The following USP31 variants were observed in gnomAD, a reference collection of about 807,000 sequenced individuals.
USP31 encodes ubiquitin specific peptidase 31, also known as ubiquitin carboxyl-terminal hydrolase 31.
In USP31, 44 loss-of-function variants were observed where a neutral mutation model predicts 119.4. The observed-to-expected ratio is 0.37, with a 90% confidence interval of 0.29 to 0.47. The LOEUF (loss-of-function observed/expected upper bound fraction) is 0.47. Ranked by LOEUF, USP31 falls within the 20% of genes least tolerant of loss-of-function variation. The probability of loss-of-function intolerance (pLI) is 0.99; values close to 1 mark genes in which losing one functional copy is unlikely to be tolerated. For synonymous variants in USP31, 749 were observed against 705.6 expected (o/e 1.06, Z -0.97); for missense variants, 1,643 against 1,730.2 (o/e 0.95, Z 0.89).
chr16:23,134,122 C>A (rs1411394709), intron 1 of USP31, among the ~76,000 whole-genome samples: 1 of 137,538 alleles, frequency 7.3e-6, no homozygotes, highest in Admixed American at 7.2e-5. Context: ...CACACACACA[C>A]AAATCGAACA....
rs1567223947 is a variant in USP31, at chr16:23,069,564, T to C, written c.2541A>G (p.Ser847=). 2.5e-6 allele frequency: 4 copies of C among 1,613,722 alleles called. No homozygotes were observed. Among genetic ancestry groups the C allele is most frequent in the African/African-American group, 2.7e-5 (2 of 74,934 alleles). Residue 847 remains serine (S), a synonymous_variant, in exon 16 of 16, where the codon TCA becomes TCG. Coordinates refer to ENST00000219689, the MANE Select transcript of USP31 (RefSeq NM_020718.4). ...FVRSVQRQSL[S]SRSSVTSPLA... is the part of the protein sequence containing the mutation. ...AGGGGCTGGTGACAGAAGATCTGGA[T>C]GACAAACTCTGACGCTGGACACTTC... is the stretch of plus-strand genomic sequence containing the variant.
intron 6 of USP31, among the ~76,000 whole-genome samples, chr16:23,095,753 A>C (rs1006993708): frequency 1.3e-5 from 2 of 152,228 alleles, no homozygotes; most frequent in African/African-American, 4.8e-5. Context: ...ACTAAGCTTC[A>C]TAAGTGAAGG....
At chr16:23,118,155 T>A (rs1011280299) in intron 1 of USP31, among the ~76,000 whole-genome samples, 5 of 152,188 alleles carry the variant, frequency 3.3e-5, no homozygotes, top group Non-Finnish European at 5.9e-5. Flanking sequence ...AAAATGGGAA[T>A]GGTGATAGGA....
rs914495141 is a variant in USP31, at chr16:23,148,719, G to C, written c.552C>G (p.Gly184=). ...QPAGRGAQGQ[G]EVTEQLAHLV... is the part of the protein sequence containing the mutation. ...GGTGCGCCAGCTGCTCAGTGACCTCGCCCTGGCCCTGCGCGCCGCGGCCCG... is the reference window on the plus strand; with the variant it reads ...GGTGCGCCAGCTGCTCAGTGACCTCCCCCTGGCCCTGCGCGCCGCGGCCCG... The change falls in exon 1 of 16, where the codon GGC becomes GGG. Residue 184 remains glycine, a synonymous_variant. Transcript: ENST00000219689. 3 of 1,480,408 alleles carry C rather than the reference G, an allele frequency of 2.0e-6. No homozygotes were observed. Among genetic ancestry groups the C allele is most frequent in the African/African-American group, 2.9e-5 (2 of 67,992 alleles). 91.7% of individuals were successfully genotyped at this position (1,480,408 alleles called of 1,614,324 possible). A position where few individuals can be genotyped will look rare whatever the true frequency, so the allele number is the denominator to read the frequency against.
chr16:23,085,545 A>C (rs1446914304), intron 10 of USP31, 40 bp downstream of exon 10: 2 of 1,550,360 alleles, frequency 1.3e-6, no homozygotes, highest in Non-Finnish European at 1.8e-6. Flanking sequence ...ATGATAATTA[A>C]AACAATGTTT....
intron 1 of USP31, among the ~76,000 whole-genome samples, chr16:23,131,015 C>A: frequency 6.6e-6 from 1 of 152,138 alleles, no homozygotes; most frequent in African/African-American, 2.4e-5. Flanking sequence ...CCCGTCAAGA[C>A]ATTTAGAAAT....
At chr16:23,079,727 A>G (rs902123437) in intron 13 of USP31, 9 of 472,964 alleles carry the variant, frequency 1.9e-5, no homozygotes, top group East Asian at 3.6e-5. Flanking sequence ...CCACTCCCCA[A>G]TCAGTCAGCT....
At chr16:23,147,178 G>C (rs1034212796) in intron 1 of USP31, among the ~76,000 whole-genome samples, 1 of 152,102 alleles carries the variant, frequency 6.6e-6, no homozygotes, top group Non-Finnish European at 1.5e-5. Flanking sequence ...GCACGATCTC[G>C]GCTCACTGCA....
chr16:23,148,522 G>A (rs1008764452), intron 1 of USP31, 116 bp downstream of exon 1: 5 of 1,327,530 alleles, frequency 3.8e-6, no homozygotes, highest in Admixed American at 4.1e-5. Context: ...AGACCACTCG[G>A]AGCAACCAAT....
intron 14 of USP31, among the ~76,000 whole-genome samples, chr16:23,073,007 G>A (rs988276172): frequency 3.9e-5 from 6 of 152,024 alleles, no homozygotes; most frequent in African/African-American, 1.4e-4. Flanking sequence ...CCCCTAACCT[G>A]ATTGCACATC....
intron 13 of USP31, among the ~76,000 whole-genome samples, chr16:23,077,728 ACACT>A (rs1488389965): frequency 6.6e-6 from 1 of 152,056 alleles, no homozygotes; most frequent in African/African-American, 2.4e-5. Flanking sequence ...CAAATCCTAG[ACACT>A]CACACGGATA....
intron 7 of USP31, 38 bp downstream of exon 7, chr16:23,090,586 C>G: frequency 6.6e-7 from 1 of 1,520,648 alleles, no homozygotes; most frequent in Non-Finnish European, 8.9e-7. Context: ...TGAACTGTTA[C>G]AGTCTAGGTA....
chr16:23,106,518 A>T, intron 2 of USP31, 31 bp from the exon 3 acceptor site: 10 of 1,565,946 alleles, frequency 6.4e-6, no homozygotes, highest in South Asian at 1.2e-5. Flanking sequence ...AACTTCACAG[A>T]CTAGAAAGAC....
At chr16:23,097,153 A>C (rs2141861259) in intron 6 of USP31, among the ~76,000 whole-genome samples, 1 of 152,346 alleles carries the variant, frequency 6.6e-6, no homozygotes, top group African/African-American at 2.4e-5. Context: ...AAAATGATAA[A>C]GGGGATATCA....
In USP31 at chr16:23,066,984, C is replaced by A. The variant is rs1226015206; in HGVS notation, c.*1062G>T. ...CAACGCTTCAACATACCACCATTGG[C>A]TTTTGGCAGAAGGCAACTTCTTTCC... On this transcript the variant is annotated 3_prime_UTR_variant, in exon 16 of 16. Coordinates refer to ENST00000219689, the MANE Select transcript of USP31 (RefSeq NM_020718.4). 1.3e-5 allele frequency: 2 copies of A among 152,212 alleles called. No individual in the cohort carries two copies. Among genetic ancestry groups the A allele is most frequent in the Non-Finnish European group, 2.9e-5 (2 of 68,050 alleles). 9.4% of individuals were successfully genotyped at this position (152,212 alleles called of 1,614,324 possible). A position where few individuals can be genotyped will look rare whatever the true frequency, so the allele number is the denominator to read the frequency against.
intron 1 of USP31, among the ~76,000 whole-genome samples, chr16:23,113,935 T>C (rs1902403712): frequency 3.9e-5 from 6 of 152,084 alleles, no homozygotes; most frequent in Admixed American, 2.0e-4. Context: ...TGAAACCCCA[T>C]CTCTACTAAA....
chr16:23,100,198 A>G (rs1901790942), intron 6 of USP31, among the ~76,000 whole-genome samples: 3 of 152,218 alleles, frequency 2.0e-5, no homozygotes, highest in Admixed American at 2.0e-4. Context: ...CGAAAACATA[A>G]GTCCACACAA....
chr16:23,085,037 GA>G, intron 10 of USP31, 48 bp from the exon 11 acceptor site: 1 of 1,597,564 alleles, frequency 6.3e-7, no homozygotes, highest in Non-Finnish European at 8.5e-7. Flanking sequence ...TTGCAAAACA[GA>G]AGGAAAAATA....
chr16:23,125,562 G>A (rs938167646), intron 1 of USP31, among the ~76,000 whole-genome samples: 1 of 152,144 alleles, frequency 6.6e-6, no homozygotes, highest in Non-Finnish European at 1.5e-5. Flanking sequence ...CTTTCTTCCT[G>A]TCACTATTAA....
Sources: allele counts gnomAD v4.1 joint callset (sites outside exome capture counted in the v4.1 genomes callset), GRCh38; gene constraint gnomAD v4.1.1; transcripts MANE v1.5; gene names NCBI Gene and HGNC (gene_info 2026-07-23, HGNC 2026-07-21).